Variants in TAOK1 observed in about 807,000 individuals in gnomAD.
TAOK1 encodes serine/threonine-protein kinase TAO1.
A neutral mutation model predicts 138.3 loss-of-function variants in TAOK1; 21 were observed. That is an observed-to-expected ratio of 0.15 (90% confidence interval 0.11 to 0.22). The LOEUF is 0.22. Ranked by LOEUF, TAOK1 falls within the 10% of genes least tolerant of loss-of-function variation. TAOK1 has a pLI of 1.00. For missense variants in TAOK1, 651 were observed against 1,227.7 expected, an observed-to-expected ratio of 0.53 and a Z score of 7.02; for synonymous variants, 361 against 398.4, an observed-to-expected ratio of 0.91 and a Z score of 1.12.
intron 3 of TAOK1, among the ~76,000 whole-genome samples, chr17:29,474,021 C>T (rs62066618): frequency 0.018 from 2,670 of 152,242 alleles, 41 homozygotes; most frequent in Non-Finnish European, 0.028. Flanking sequence ...TAGGAGTGAG[C>T]TACCGTGCCG....
intron 1 of TAOK1, among the ~76,000 whole-genome samples, chr17:29,424,048 C>CAAA (rs34530466): frequency 1.7e-4 from 19 of 112,864 alleles, no homozygotes; most frequent in Admixed American, 1.6e-3. Flanking sequence ...GACCCTGTCT[C>CAAA]AAAAAAAAAA....
chr17:29,495,829 C>G, intron 11 of TAOK1, 102 bp downstream of exon 11: 2 of 1,059,736 alleles, frequency 1.9e-6, no homozygotes, highest in Non-Finnish European at 2.5e-6. Flanking sequence ...CAAGGGTTTC[C>G]AGGTTGTATT....
In TAOK1 at chr17:29,551,378, A is replaced by G. The variant is rs2032490946; in HGVS notation, c.*8356A>G. 1 of 152,182 alleles carries G rather than the reference A, an allele frequency of 6.6e-6. No individual in the cohort carries two copies. Among genetic ancestry groups the G allele is most frequent in the Non-Finnish European group, 1.5e-5 (1 of 68,022 alleles). The allele number at this position is 152,182 out of a possible 1,614,324, so 9.4% of individuals were successfully genotyped here. ...ATCTTCTCATCTCCCAAACCCCCTGAGCCCGTAGGGTTTTCATAGTGGACA... is the reference window on the plus strand; with the variant it reads ...ATCTTCTCATCTCCCAAACCCCCTGGGCCCGTAGGGTTTTCATAGTGGACA... On this transcript the variant is annotated 3_prime_UTR_variant, in exon 20 of 20. Transcript: ENST00000261716.
At chr17:29,522,902 C>CT (rs1241932845) in intron 17 of TAOK1, among the ~76,000 whole-genome samples, 8 of 152,146 alleles carry the variant, frequency 5.3e-5, no homozygotes, top group African/African-American at 1.9e-4. Context: ...TGGTGAAACC[C>CT]TGTCTCTACT....
intron 1 of TAOK1, among the ~76,000 whole-genome samples, chr17:29,406,439 C>T (rs753747671): frequency 2.0e-5 from 3 of 151,988 alleles, no homozygotes; most frequent in Non-Finnish European, 4.4e-5. Flanking sequence ...GATTACTGAT[C>T]ATATGTGGCT....
intron 12 of TAOK1, among the ~76,000 whole-genome samples, chr17:29,502,010 A>T (rs1015926743): frequency 2.0e-5 from 3 of 152,244 alleles, no homozygotes; most frequent in African/African-American, 4.8e-5. Flanking sequence ...ACTGCACTCC[A>T]ACCTGGGTGA....
At chr17:29,513,059 C>CA (rs1239505853) in intron 15 of TAOK1, 1 of 24,816 alleles carries the variant, frequency 4.0e-5, no homozygotes, top group Non-Finnish European at 6.1e-5. Flanking sequence ...ATTTACCCAC[C>CA]CCCCCCCCCG....
intron 1 of TAOK1, among the ~76,000 whole-genome samples, chr17:29,436,461 T>C (rs987607862): frequency 1.3e-4 from 20 of 152,232 alleles, no homozygotes; most frequent in African/African-American, 4.8e-4. Context: ...GTCCTGTTCA[T>C]TTTCCTTTAT....
chr17:29,507,926 G>A lies in TAOK1; in HGVS notation c.1369G>A (p.Asp457Asn). ...VTRQMQEHEQ[D>N]SELREQMSGY... Reference sequence around the variant, plus strand: ...GAGGCAAATGCAAGAACATGAGCAGGACTCTGAGCTTAGAGAACAAATGTC... The same window carrying A: ...GAGGCAAATGCAAGAACATGAGCAGAACTCTGAGCTTAGAGAACAAATGTC... The change falls in exon 14 of 20, where the codon GAC becomes AAC. Residue 457 changes from aspartate to asparagine, a missense_variant. Around this residue, in one of 8 missense-constraint regions of TAOK1, gnomAD observed 258 missense variants for 548.9 expected, o/e 0.47. Coordinates refer to ENST00000261716, the MANE Select transcript of TAOK1 (RefSeq NM_020791.4). 1 of 1,613,976 alleles carries A rather than the reference G, an allele frequency of 6.2e-7. No individual in the cohort carries two copies. The highest frequency in any genetic ancestry group is 1.1e-5 in the South Asian group (1 of 91,056).
rs1386956336 is a variant in TAOK1 at position 29,491,781 on chromosome 17, T to C, written c.750-3T>C. On this transcript the variant is annotated splice_polypyrimidine_tract_variant and splice_region_variant and intron_variant, in intron 9 of 19. Transcript: ENST00000261716. ...GTTCACTTGATACTTTCCTTTACAATAGGTCTGATTATTTTCGCAACTTTG... is the reference window on the plus strand; with the variant it reads ...GTTCACTTGATACTTTCCTTTACAACAGGTCTGATTATTTTCGCAACTTTG... 1 of 1,609,660 alleles carries C rather than the reference T, an allele frequency of 6.2e-7. No homozygotes were observed. Among genetic ancestry groups the C allele is most frequent in the African/African-American group, 1.3e-5 (1 of 74,848 alleles).
intron 5 of TAOK1, 24 bp downstream of exon 5, chr17:29,477,730 T>TA: frequency 7.5e-7 from 1 of 1,334,192 alleles, no homozygotes; most frequent in South Asian, 2.1e-5. Flanking sequence ...GATTATTTTT[T>TA]AAAAAGTATT....
chr17:29,481,274 A>G (rs909556996), intron 7 of TAOK1, among the ~76,000 whole-genome samples: 1 of 151,110 alleles, frequency 6.6e-6, no homozygotes, highest in Non-Finnish European at 1.5e-5. Flanking sequence ...GCTCACTGCA[A>G]CCTCCGCCTC....
chr17:29,530,475 A>G lies in TAOK1; in HGVS notation c.2217A>G (p.Ala739=), dbSNP rs2032082808. Residue 739 remains alanine (A), a synonymous_variant, in exon 18 of 20, where the codon GCA becomes GCG. Coordinates refer to ENST00000261716, the MANE Select transcript of TAOK1 (RefSeq NM_020791.4). ...AAATCCAAACCAGACAGTACAAAGCATTAAGAAATCACCTGCTGGAGACTA... is the reference window on the plus strand; with the variant it reads ...AAATCCAAACCAGACAGTACAAAGCGTTAAGAAATCACCTGCTGGAGACTA... The part of the protein sequence containing the change: ...TCKIQTRQYK[A]LRNHLLETTP... 3 of 1,614,104 alleles carry G rather than the reference A, an allele frequency of 1.9e-6. No individual in the cohort carries two copies. The highest frequency in any genetic ancestry group is 2.5e-6 in the Non-Finnish European group (3 of 1,180,048).
intron 4 of TAOK1, among the ~76,000 whole-genome samples, chr17:29,476,387 A>G (rs1753125985): frequency 6.6e-6 from 1 of 152,158 alleles, no homozygotes; most frequent in Admixed American, 6.6e-5. Context: ...TGGTAGTGGT[A>G]GTGGTGACTT....
At chr17:29,493,154 AAAG>A (rs979478172) in intron 10 of TAOK1, among the ~76,000 whole-genome samples, 37 of 151,952 alleles carry the variant, frequency 2.4e-4, no homozygotes, top group African/African-American at 6.5e-4. Flanking sequence ...AAAAAGAAAG[AAAG>A]AAGAAGACAA....
chr17:29,391,112 G>A (rs1904410724), intron 1 of TAOK1, 88 bp downstream of exon 1: 1 of 152,402 alleles, frequency 6.6e-6, no homozygotes, highest in Non-Finnish European at 1.5e-5. Context: ...AAGAAGGGAT[G>A]TGGGAGTGGG....
At chr17:29,532,231 G>T (rs953315221) in intron 18 of TAOK1, among the ~76,000 whole-genome samples, 1 of 152,006 alleles carries the variant, frequency 6.6e-6, no homozygotes, top group Non-Finnish European at 1.5e-5. Flanking sequence ...CAAAACAGGC[G>T]CCTGCTCATA....
intron 1 of TAOK1, among the ~76,000 whole-genome samples, chr17:29,421,758 C>T (rs1905450584): frequency 6.6e-6 from 1 of 152,038 alleles, no homozygotes; most frequent in Non-Finnish European, 1.5e-5. Context: ...GCCACCACAC[C>T]CAGCCAGTTA....
At chr17:29,490,822 C>A (rs892799029) in intron 9 of TAOK1, among the ~76,000 whole-genome samples, 1 of 152,160 alleles carries the variant, frequency 6.6e-6, no homozygotes, top group African/African-American at 2.4e-5. Context: ...CTCCTACTTA[C>A]AAGATAGTGC....
Sources: gnomAD v4.1 joint callset for allele counts (sites outside exome capture counted in the v4.1 genomes callset) on GRCh38, gnomAD v4.1.1 for gene constraint, gnomAD v4.1.1 regional missense constraint, MANE v1.5 for transcripts, NCBI Gene and HGNC (gene_info 2026-07-23, HGNC 2026-07-21) for gene names.